ARL6IP5: variants seen among roughly 807,000 people sequenced by gnomAD.
ARL6IP5 encodes PRA1 family protein 3.
A neutral mutation model predicts 13.0 loss-of-function variants in ARL6IP5; 6 were observed. The ratio of observed to expected loss-of-function variants is 0.46; its 90% CI spans 0.25 to 0.91. The LOEUF is 0.91. Ranked by LOEUF, ARL6IP5 falls within the 40% of genes least tolerant of loss-of-function variation. The pLI is 0.17. For missense variants in ARL6IP5, 208 were observed against 248.8 expected (o/e 0.84, Z 1.10); for synonymous variants, 91 against 91.9 (o/e 0.99, Z 0.06).
intron 1 of ARL6IP5, chr3:69,089,786 A>G (rs2092259334): frequency 4.4e-6 from 2 of 456,600 alleles, no homozygotes; most frequent in Non-Finnish European, 8.8e-6. Context: ...ATTCTTATGT[A>G]TATACATTTG....
rs2107517214 is a variant in ARL6IP5 at position 69,105,923 on chromosome 3, C to T, written c.*1287C>T. ...TCCTAGAATAAGAAGCAATGATGTGCTGCTTCTGATTTTTCTTGCATTTTA... is the reference window on the plus strand; with the variant it reads ...TCCTAGAATAAGAAGCAATGATGTGTTGCTTCTGATTTTTCTTGCATTTTA... On this transcript the variant is annotated 3_prime_UTR_variant, in exon 3 of 3. Coordinates refer to ENST00000273258, the MANE Select transcript of ARL6IP5 (RefSeq NM_006407.4). 6.6e-6 allele frequency: 1 copy of T among 152,278 alleles called. No homozygotes were observed. The highest frequency in any genetic ancestry group is 2.1e-4 in the South Asian group (1 of 4,826). 9.4% of individuals were successfully genotyped at this position (152,278 alleles called of 1,614,324 possible). A position where few individuals can be genotyped will look rare whatever the true frequency, so the allele number is the denominator to read the frequency against.
At chr3:69,095,799 T>G (rs1366002728) in intron 1 of ARL6IP5, among the ~76,000 whole-genome samples, 4 of 152,204 alleles carry the variant, frequency 2.6e-5, no homozygotes, top group Non-Finnish European at 5.9e-5. Context: ...CCAGCCCTCT[T>G]TCTTACTCTA....
chr3:69,088,902 C>T (rs1009588306), intron 1 of ARL6IP5, among the ~76,000 whole-genome samples: 1 of 152,190 alleles, frequency 6.6e-6, no homozygotes, highest in African/African-American at 2.4e-5. Context: ...AATTTAAGTA[C>T]TAAGCGTGTG....
intron 2 of ARL6IP5, among the ~76,000 whole-genome samples, chr3:69,104,188 T>C (rs1366805994): frequency 1.3e-5 from 2 of 152,284 alleles, no homozygotes; most frequent in East Asian, 1.9e-4. Flanking sequence ...GGTGATGATA[T>C]CAGTGTGTGA....
At chr3:69,100,702 ACCC>A (rs1314313497) in intron 1 of ARL6IP5, among the ~76,000 whole-genome samples, 1 of 151,578 alleles carries the variant, frequency 6.6e-6, no homozygotes, top group African/African-American at 2.4e-5. Flanking sequence ...AATTGCTTGA[ACCC>A]AGGAGGCAGA....
chr3:69,096,817 T>C (rs887589632), intron 1 of ARL6IP5, among the ~76,000 whole-genome samples: 2 of 152,028 alleles, frequency 1.3e-5, no homozygotes, highest in African/African-American at 4.8e-5. Flanking sequence ...TTGACCAGGA[T>C]GGTCTTGATC....
rs1559656255 is a variant in ARL6IP5 at position 69,105,981 on chromosome 3, GCA to G, written c.*1348_*1349del. The G allele has an allele frequency of 1.3e-5, 2 of 152,100 alleles. No homozygotes were observed. The highest frequency in any genetic ancestry group is 2.9e-5 in the Non-Finnish European group (2 of 68,028). 9.4% of individuals were successfully genotyped at this position (152,100 alleles called of 1,614,324 possible). ...AGCCAACCTACAGCCATGATCTTTAGCACAGTGATATCACCATGACTTCACAG... is the reference window on the plus strand; with the variant it reads ...AGCCAACCTACAGCCATGATCTTTAGCAGTGATATCACCATGACTTCACAG... On this transcript the variant is annotated 3_prime_UTR_variant, in exon 3 of 3. Transcript: ENST00000273258.
At chr3:69,087,263 T>G (rs1238878063) in intron 1 of ARL6IP5, among the ~76,000 whole-genome samples, 5 of 151,570 alleles carry the variant, frequency 3.3e-5, no homozygotes, top group African/African-American at 4.9e-5. Context: ...CCTTCCACCT[T>G]GGCTCCCAAA....
At chr3:69,088,665 A>G (rs1470606870) in intron 1 of ARL6IP5, among the ~76,000 whole-genome samples, 1 of 152,250 alleles carries the variant, frequency 6.6e-6, no homozygotes, top group East Asian at 1.9e-4. Context: ...TAAAAGGAAT[A>G]GCATGAATAA....
At chr3:69,100,610 C>T (rs2092301854) in intron 1 of ARL6IP5, among the ~76,000 whole-genome samples, 1 of 151,878 alleles carries the variant, frequency 6.6e-6, no homozygotes, top group Non-Finnish European at 1.5e-5. Flanking sequence ...CAAAATCCCA[C>T]CTGTACTGAA....
chr3:69,098,159 C>T (rs2092293049), intron 1 of ARL6IP5, among the ~76,000 whole-genome samples: 1 of 151,232 alleles, frequency 6.6e-6, no homozygotes, highest in African/African-American at 2.4e-5. Context: ...TCACTGCACC[C>T]TCTGCCTCCC....
rs926490646 is a variant in ARL6IP5, at chr3:69,105,356, T to C, written c.*720T>C. The C allele has an allele frequency of 2.6e-5, 4 of 152,500 alleles. No individual in the cohort carries two copies. Among genetic ancestry groups the C allele is most frequent in the African/African-American group, 4.8e-5 (2 of 41,468 alleles). 9.4% of individuals were successfully genotyped at this position (152,500 alleles called of 1,614,324 possible). A position where few individuals can be genotyped will look rare whatever the true frequency, so the allele number is the denominator to read the frequency against. ...ACCTGTATTATTCTGGACGGACTTA[T>C]TAAAATACAAACAGACAAAAAATAA... On this transcript the variant is annotated 3_prime_UTR_variant, in exon 3 of 3. Coordinates refer to ENST00000273258, the MANE Select transcript of ARL6IP5 (RefSeq NM_006407.4).
At chr3:69,097,339 G>GTTT (rs201515218) in intron 1 of ARL6IP5, among the ~76,000 whole-genome samples, 1 of 133,624 alleles carries the variant, frequency 7.5e-6, no homozygotes, top group Non-Finnish European at 1.6e-5. Flanking sequence ...TTTGTGGGGT[G>GTTT]TTTTTTTTTT....
Position 69,085,237 on chromosome 3 carries a change from C to G in ARL6IP5, c.176+14C>G. On this transcript the variant is annotated intron_variant, in intron 1 of 2. Transcript: ENST00000273258. ...TTCCATTGTGGGGTAAGTGGGGTCC[C>G]CCTACCCGGGACACCGATCCGGGGC... 6.2e-7 allele frequency: 1 copy of G among 1,605,828 alleles called. No individual in the cohort carries two copies. Among genetic ancestry groups the G allele is most frequent in the Non-Finnish European group, 8.5e-7 (1 of 1,173,986 alleles).
At chr3:69,103,394 T>A (rs7620273) in intron 2 of ARL6IP5, among the ~76,000 whole-genome samples, 4,189 of 152,338 alleles carry the variant, frequency 0.027, 83 homozygotes, top group East Asian at 0.04. Context: ...TTCACTCATC[T>A]CTAAAGTAAG....
Position 69,101,655 on chromosome 3 carries a change from T to G in ARL6IP5, c.177-184T>G, listed in dbSNP as rs549132769. Among the ~76,000 whole-genome samples, 5 of 152,250 alleles carry G rather than the reference T, an allele frequency of 3.3e-5. No homozygotes were observed. In the South Asian group the frequency reaches 1.0e-3, roughly 32 times the overall value. On this transcript the variant is annotated intron_variant, in intron 1 of 2. Transcript: ENST00000273258. Reference sequence around the variant, plus strand: ...ATTTTCTAACCTCTGTGCCTTAGCTTCTTCATTTGAGAAATGAACTAATAG... The same window carrying G: ...ATTTTCTAACCTCTGTGCCTTAGCTGCTTCATTTGAGAAATGAACTAATAG...
In ARL6IP5 at chr3:69,105,989, A is replaced by G. The variant is rs1219759014; in HGVS notation, c.*1353A>G. 6.6e-6 allele frequency: 1 copy of G among 152,188 alleles called. No individual in the cohort carries two copies. The highest frequency in any genetic ancestry group is 1.5e-5 in the Non-Finnish European group (1 of 68,028). 9.4% of individuals were successfully genotyped at this position (152,188 alleles called of 1,614,324 possible). A position where few individuals can be genotyped will look rare whatever the true frequency, so the allele number is the denominator to read the frequency against. On this transcript the variant is annotated 3_prime_UTR_variant, in exon 3 of 3. Transcript: ENST00000273258. The stretch of plus-strand genomic sequence containing the variant: ...TACAGCCATGATCTTTAGCACAGTG[A>G]TATCACCATGACTTCACAGACATGG...
At chr3:69,096,466 C>T (rs1216473843) in intron 1 of ARL6IP5, among the ~76,000 whole-genome samples, 3 of 152,212 alleles carry the variant, frequency 2.0e-5, no homozygotes, top group Admixed American at 6.5e-5. Context: ...CCAGAATGAA[C>T]TGAGTAGGAG....
At chr3:69,103,276 GTGTAACGAAA>G (rs2092311816) in intron 2 of ARL6IP5, among the ~76,000 whole-genome samples, 2 of 152,196 alleles carry the variant, frequency 1.3e-5, no homozygotes, top group Admixed American at 1.3e-4. Flanking sequence ...AGACAGGCCA[GTGTAACGAAA>G]TGTATCAGAG....
Sources: gnomAD v4.1 joint callset for allele counts (sites outside exome capture counted in the v4.1 genomes callset) on GRCh38, gnomAD v4.1.1 for gene constraint, MANE v1.5 for transcripts, NCBI Gene and HGNC (gene_info 2026-07-23, HGNC 2026-07-21) for gene names.